Variants in LY86 observed in about 807,000 individuals in gnomAD.
LY86 encodes lymphocyte antigen 86, also known as MD-1, RP105-associated.
In LY86, 20 loss-of-function variants were observed where a neutral mutation model predicts 17.3. That is an observed-to-expected ratio of 1.15 (90% CI 0.81 to 1.68). The LOEUF (loss-of-function observed/expected upper bound fraction) is 1.68. LY86 is among the 40% of genes most tolerant of loss of function. The pLI is 0.00. For missense variants in LY86, 200 were observed against 191.9 expected (o/e 1.04, Z -0.25); for synonymous variants, 74 against 70.6 (o/e 1.05, Z -0.24).
chr6:6,611,475 G>C (rs570418638), intron 1 of LY86, among the ~76,000 whole-genome samples: 1 of 152,330 alleles, frequency 6.6e-6, no homozygotes, highest in African/African-American at 2.4e-5. Flanking sequence ...GCTGTGGAAA[G>C]AGCTATAGAA....
intron 1 of LY86, among the ~76,000 whole-genome samples, chr6:6,606,453 G>A (rs192444013): frequency 6.6e-6 from 1 of 152,226 alleles, no homozygotes. Context: ...CTGCCTGCCA[G>A]TCCCACACCG....
Position 6,594,016 on chromosome 6 carries a change from C to T in LY86, c.136+5146C>T, listed in dbSNP as rs188173734. On this transcript the variant is annotated intron_variant, in intron 1 of 4. Transcript: ENST00000230568. ...GGCAATCCTCCATAAATATTGTTGC[C>T]ATTGTTTTTGTTACTGGATGTTTGT... is the stretch of plus-strand genomic sequence containing the variant. 1.1e-3 allele frequency among the ~76,000 whole-genome samples: 166 copies of T among 152,302 alleles called. 2 individuals are homozygous for T. Among genetic ancestry groups the T allele is most frequent in the African/African-American group, 3.8e-3 (159 of 41,552 alleles).
intron 1 of LY86, among the ~76,000 whole-genome samples, chr6:6,624,309 C>T (rs182262771): frequency 4.6e-4 from 66 of 142,112 alleles, no homozygotes; most frequent in African/African-American, 1.3e-3. Flanking sequence ...TCTTTATAGC[C>T]CCTATCATAT....
At chr6:6,614,161 A>G (rs1761487237) in intron 1 of LY86, among the ~76,000 whole-genome samples, 1 of 152,186 alleles carries the variant, frequency 6.6e-6, no homozygotes, top group Non-Finnish European at 1.5e-5. Flanking sequence ...ACGGTGGCTT[A>G]TGGAGAGGCA....
intron 3 of LY86, among the ~76,000 whole-genome samples, chr6:6,649,229 T>A (rs537618019): frequency 9.2e-5 from 14 of 152,294 alleles, no homozygotes; most frequent in African/African-American, 3.4e-4. Flanking sequence ...CGTGAGAACA[T>A]CACAGGTAAA....
At chr6:6,647,524 A>G (rs1334258101) in intron 3 of LY86, among the ~76,000 whole-genome samples, 2 of 152,148 alleles carry the variant, frequency 1.3e-5, no homozygotes, top group African/African-American at 4.8e-5. Context: ...AAGGTCACCA[A>G]ATGACCTCCA....
intron 1 of LY86, among the ~76,000 whole-genome samples, chr6:6,604,986 CAT>C (rs1761053891): frequency 6.6e-6 from 1 of 151,646 alleles, no homozygotes; most frequent in Admixed American, 6.6e-5. Context: ...TACAATTCTA[CAT>C]ACAGTATAGT....
chr6:6,589,842 C>A (rs760790515), intron 1 of LY86, among the ~76,000 whole-genome samples: 3 of 152,032 alleles, frequency 2.0e-5, no homozygotes, highest in Non-Finnish European at 4.4e-5. Flanking sequence ...CTATCTCCAG[C>A]AGGGCATGAT....
At chr6:6,606,061 C>T (rs1216641458) in intron 1 of LY86, among the ~76,000 whole-genome samples, 4 of 152,318 alleles carry the variant, frequency 2.6e-5, no homozygotes, top group Admixed American at 1.3e-4. Flanking sequence ...CTGCTGCTAG[C>T]GCGGGCAGCC....
In LY86 at chr6:6,603,660, G is replaced by T. The variant is rs1037545061; in HGVS notation, c.136+14790G>T. Among the ~76,000 whole-genome samples, 7 of 141,586 alleles carry T rather than the reference G, an allele frequency of 4.9e-5. 1 individual carries two copies. The highest frequency in any genetic ancestry group is 1.9e-4 in the African/African-American group (7 of 37,572). The allele number at this position is 141,586 out of a possible 152,430, so 92.9% of individuals were successfully genotyped here. A position where few individuals can be genotyped will look rare whatever the true frequency, so the allele number is the denominator to read the frequency against. On this transcript the variant is annotated intron_variant, in intron 1 of 4. Transcript: ENST00000230568. The stretch of plus-strand genomic sequence containing the variant: ...ACACACACACACACACACACAGAGT[G>T]GAAAACCAACAGTGAAGTTGTGTCT...
chr6:6,597,533 C>G (rs1760752061), intron 1 of LY86, among the ~76,000 whole-genome samples: 1 of 152,212 alleles, frequency 6.6e-6, no homozygotes, highest in Non-Finnish European at 1.5e-5. Flanking sequence ...AAGGCAATAT[C>G]TGAGGCCCCT....
Position 6,654,809 on chromosome 6 carries a change from T to A in LY86, c.*182T>A. ...ACCAGACATCCCCAGACTCCACAGA[T>A]GTAATGAAGTCCCCGAATGTATCTG... On this transcript the variant is annotated 3_prime_UTR_variant, in exon 5 of 5. Transcript: ENST00000230568. 1.7e-6 allele frequency: 1 copy of A among 589,742 alleles called. No individual in the cohort carries two copies. The highest frequency in any genetic ancestry group is 3.0e-6 in the Non-Finnish European group (1 of 331,782). The allele number at this position is 589,742 out of a possible 1,614,324, so 36.5% of individuals were successfully genotyped here.
chr6:6,638,102 G>A (rs943704294), intron 3 of LY86, among the ~76,000 whole-genome samples: 7 of 152,140 alleles, frequency 4.6e-5, no homozygotes, highest in African/African-American at 1.7e-4. Flanking sequence ...CGACTAAATA[G>A]TCGGCACCAT....
At chr6:6,604,651 GCAT>G in intron 1 of LY86, among the ~76,000 whole-genome samples, 1 of 152,218 alleles carries the variant, frequency 6.6e-6, no homozygotes, top group Middle Eastern at 3.4e-3. Context: ...CAAAAGACAT[GCAT>G]TTCAGCTTCA....
chr6:6,627,419 C>T (rs556433176), intron 3 of LY86, among the ~76,000 whole-genome samples: 3 of 152,254 alleles, frequency 2.0e-5, no homozygotes, highest in East Asian at 1.9e-4. Context: ...AGATGGAAGT[C>T]GGGGGAACTT....
At chr6:6,641,593 TAA>T (rs1484167424) in intron 3 of LY86, among the ~76,000 whole-genome samples, 1 of 152,226 alleles carries the variant, frequency 6.6e-6, no homozygotes, top group East Asian at 1.9e-4. Flanking sequence ...GTCTTTGGCA[TAA>T]AAGTCAAGGA....
chr6:6,627,575 C>T (rs531667976), intron 3 of LY86, among the ~76,000 whole-genome samples: 8 of 152,254 alleles, frequency 5.3e-5, no homozygotes, highest in South Asian at 2.1e-4. Flanking sequence ...CATTGGACCA[C>T]GAGCTGCTTG....
intron 1 of LY86, among the ~76,000 whole-genome samples, chr6:6,598,878 T>TA (rs1419078858): frequency 1.3e-5 from 2 of 152,258 alleles, no homozygotes; most frequent in African/African-American, 4.8e-5. Flanking sequence ...AACACTTAGC[T>TA]AGTTCATCAT....
chr6:6,592,559 A>G (rs1264809551), intron 1 of LY86, among the ~76,000 whole-genome samples: 1 of 152,236 alleles, frequency 6.6e-6, no homozygotes, highest in Non-Finnish European at 1.5e-5. Flanking sequence ...TATGGACTGA[A>G]TGTTTGTGTC....
Sources: allele counts gnomAD v4.1 joint callset (sites outside exome capture counted in the v4.1 genomes callset), GRCh38; gene constraint gnomAD v4.1.1; transcripts MANE v1.5; gene names NCBI Gene and HGNC (gene_info 2026-07-23, HGNC 2026-07-21).